MIA2: variants seen among roughly 807,000 people sequenced by gnomAD.
MIA2 encodes melanoma inhibitory activity protein 2.
A neutral mutation model predicts 167.8 loss-of-function variants in MIA2; 127 were observed. The observed-to-expected ratio is 0.76, with a 90% CI of 0.66 to 0.88. The LOEUF is 0.88. Among genes scored for constraint, MIA2 ranks in the 40% least tolerant of loss-of-function variants. The probability of loss-of-function intolerance (pLI) is 0.00; values close to 1 mark genes in which losing one functional copy is unlikely to be tolerated. For missense variants in MIA2, 1,690 were observed against 1,624.7 expected (o/e 1.04, Z -0.69); for synonymous variants, 552 against 541.9 (o/e 1.02, Z -0.26).
At chr14:39,273,394 C>T (rs1408200572) in intron 6 of MIA2, among the ~76,000 whole-genome samples, 1 of 151,850 alleles carries the variant, frequency 6.6e-6, no homozygotes, top group Admixed American at 6.6e-5. Context: ...ACTCTGTTGC[C>T]CAGGCTGGAG....
intron 24 of MIA2, 110 bp downstream of exon 24, chr14:39,321,166 C>G: frequency 3.0e-6 from 3 of 988,262 alleles, no homozygotes; most frequent in Non-Finnish European, 4.4e-6. Context: ...ACAGGCATTC[C>G]TTGCACTTAC....
At chr14:39,279,978 G>T (rs763551222) in intron 9 of MIA2, among the ~76,000 whole-genome samples, 1 of 152,096 alleles carries the variant, frequency 6.6e-6, no homozygotes, top group African/African-American at 2.4e-5. Context: ...TGAATTTGTG[G>T]GGACACAATT....
chr14:39,238,283 G>A (rs565759270), intron 2 of MIA2, among the ~76,000 whole-genome samples: 126 of 149,156 alleles, frequency 8.4e-4, no homozygotes, highest in African/African-American at 1.3e-3. Context: ...AGCTATTCTC[G>A]TGCCTCAGCC....
At position 39,350,410 on chromosome 14, in the gene MIA2, G is replaced by T. The variant is rs1355504447; in HGVS notation, c.*146G>T. The T allele has an allele frequency of 2.2e-6, 1 of 450,470 alleles. No individual in the cohort carries two copies. The highest frequency in any genetic ancestry group is 4.0e-6 in the Non-Finnish European group (1 of 249,596). 27.9% of individuals were successfully genotyped at this position (450,470 alleles called of 1,614,324 possible). ...AGGATAGTATTTTGTAAATAAAGAT[G>T]ATTTAAATATGAATCTTATGAGTAA... On this transcript the variant is annotated 3_prime_UTR_variant, in exon 29 of 29. Coordinates refer to ENST00000640607, the MANE Select transcript of MIA2 (RefSeq NM_001329214.4).
rs1397878336 is a variant in MIA2 at position 39,298,413 on chromosome 14, T to TTTTATATATATATATATATATATATA, written c.2497-1450_2497-1449insTTATATATATATATATATATATATAT. Among the ~76,000 whole-genome samples the TTTTATATATATATATATATATATATA allele has an allele frequency of 3.2e-3, 84 of 26,124 alleles. 3 individuals carry two copies. The highest frequency in any genetic ancestry group is 8.8e-3 in the African/African-American group (63 of 7,188). 17.1% of individuals were successfully genotyped at this position (26,124 alleles called of 152,430 possible). A position where few individuals can be genotyped will look rare whatever the true frequency, so the allele number is the denominator to read the frequency against. On this transcript the variant is annotated intron_variant, in intron 13 of 28. Transcript: ENST00000640607. ...TTTACCTGTATCATCTGATTCTGTT[T>TTTTATATATATATATATATATATATA]TATATATATATATATATATATATAT... is the stretch of plus-strand genomic sequence containing the variant.
chr14:39,323,277 A>G (rs1231365689), intron 24 of MIA2, among the ~76,000 whole-genome samples: 1 of 151,940 alleles, frequency 6.6e-6, no homozygotes, highest in Non-Finnish European at 1.5e-5. Flanking sequence ...TGGGGTCCCT[A>G]CAGAGCCTCT....
intron 25 of MIA2, among the ~76,000 whole-genome samples, chr14:39,339,686 G>A (rs1359907757): frequency 6.6e-6 from 1 of 152,112 alleles, no homozygotes; most frequent in Non-Finnish European, 1.5e-5. Flanking sequence ...GTCCAATAGA[G>A]CTTTCTGTAA....
intron 23 of MIA2, among the ~76,000 whole-genome samples, chr14:39,365,964 A>G (rs148985141): frequency 1.3e-3 from 204 of 151,718 alleles, no homozygotes; most frequent in African/African-American, 4.7e-3. Context: ...GATTTTTTGT[A>G]TTGGCTTTTG....
intron 6 of MIA2, among the ~76,000 whole-genome samples, chr14:39,274,995 A>G (rs2057744295): frequency 6.7e-6 from 1 of 149,700 alleles, no homozygotes; most frequent in South Asian, 2.1e-4. Flanking sequence ...GAATTGCTTG[A>G]ACCCAGGAGA....
chr14:39,313,508 A>G, intron 19 of MIA2, 67 bp downstream of exon 19: 1 of 815,622 alleles, frequency 1.2e-6, no homozygotes, highest in Non-Finnish European at 2.0e-6. Context: ...TTAATGCCAG[A>G]AAAATAATAA....
chr14:39,259,565 C>T (rs405775), intron 6 of MIA2, among the ~76,000 whole-genome samples: 12 of 152,128 alleles, frequency 7.9e-5, no homozygotes, highest in African/African-American at 2.9e-4. Flanking sequence ...GGGTCTTGCT[C>T]TGTCACCCAG....
intron 3 of MIA2, among the ~76,000 whole-genome samples, chr14:39,244,497 C>G (rs2054201616): frequency 6.6e-6 from 1 of 152,070 alleles, no homozygotes; most frequent in Admixed American, 6.6e-5. Flanking sequence ...GGGTTTGACT[C>G]CAGAGTCTGT....
rs1476228885 is a variant in MIA2, at chr14:39,253,097, A to G, written c.1813A>G (p.Lys605Glu). 3 of 1,599,976 alleles carry G rather than the reference A, an allele frequency of 1.9e-6. No homozygotes were observed. Among genetic ancestry groups the G allele is most frequent in the South Asian group, 2.3e-5 (2 of 88,496 alleles). The change falls in exon 6 of 29, where the codon AAA (lysine) becomes GAA (glutamate). Residue 605 changes from lysine (K) to glutamate (E), a missense_variant. Lys to Glu is a moderately conservative substitution (Grantham distance 56). Transcript: ENST00000640607. ...AGATGCTTCTGAGTTTCAGATTCTG[A>G]AATACTTATTCCAAATTGATGTTTA... ...KEDASEFQIL[K>E]YLFQIDVYDF...
At chr14:39,266,541 C>A in intron 6 of MIA2, 2 of 985,506 alleles carry the variant, frequency 2.0e-6, no homozygotes, top group Non-Finnish European at 1.2e-6. Flanking sequence ...AGCGAGGAAA[C>A]CAGATCGAGG....
At chr14:39,237,609 C>T (rs1472773096) in intron 2 of MIA2, among the ~76,000 whole-genome samples, 3 of 151,988 alleles carry the variant, frequency 2.0e-5, no homozygotes, top group Admixed American at 2.0e-4. Flanking sequence ...TAAGAGAATG[C>T]CTTGAATTTA....
chr14:39,254,282 A>G (rs2054716529), intron 6 of MIA2, among the ~76,000 whole-genome samples: 1 of 152,222 alleles, frequency 6.6e-6, no homozygotes, highest in Admixed American at 6.5e-5. Flanking sequence ...TTGGAGCACA[A>G]TAAGCAATTG....
intron 25 of MIA2, among the ~76,000 whole-genome samples, chr14:39,331,403 T>C (rs910117032): frequency 1.3e-5 from 2 of 152,228 alleles, no homozygotes; most frequent in Non-Finnish European, 2.9e-5. Context: ...TCTTGACTCT[T>C]TATCCAATTT....
chr14:39,363,779 CTG>C, intron 23 of MIA2, among the ~76,000 whole-genome samples: 1 of 152,266 alleles, frequency 6.6e-6, no homozygotes, highest in Admixed American at 6.5e-5. Flanking sequence ...TTCTTTGCCT[CTG>C]TATACTGTGT....
Position 39,277,627 on chromosome 14 carries a change from G to A in MIA2, c.2019+562G>A, listed in dbSNP as rs571012413. ...GCCTCCCAAAGTCTTGGGATTACAG[G>A]TTTGAGCCACCATGCTCAACTGGAA... On this transcript the variant is annotated intron_variant, in intron 7 of 28. Coordinates refer to ENST00000640607, the MANE Select transcript of MIA2 (RefSeq NM_001329214.4). 8.2e-4 allele frequency among the ~76,000 whole-genome samples: 113 copies of A among 137,304 alleles called. 1 individual carries two copies. The highest frequency in any genetic ancestry group is 3.7e-3 in the Admixed American group (50 of 13,636). The allele number at this position is 137,304 out of a possible 152,430, so 90.1% of individuals were successfully genotyped here.
Sources: gnomAD v4.1 joint callset for allele counts (sites outside exome capture counted in the v4.1 genomes callset) on GRCh38, gnomAD v4.1.1 for gene constraint, MANE v1.5 for transcripts, NCBI Gene and HGNC (gene_info 2026-07-23, HGNC 2026-07-21) for gene names.